RHOBTB1: variants seen among roughly 807,000 people sequenced by gnomAD.
RHOBTB1 encodes the protein rho-related BTB domain-containing protein 1.
RHOBTB1 carries 40 observed loss-of-function variants against 71.6 expected under a neutral mutation model. That is an observed-to-expected ratio of 0.56 (90% CI 0.43 to 0.73). The LOEUF (loss-of-function observed/expected upper bound fraction) is 0.73. Ranked by LOEUF, RHOBTB1 falls within the 30% of genes least tolerant of loss-of-function variation. The pLI is 0.00. For synonymous variants in RHOBTB1, 319 were observed against 334.9 expected, an observed-to-expected ratio of 0.95 and a Z score of 0.52; for missense variants, 797 against 894.0, an observed-to-expected ratio of 0.89 and a Z score of 1.38.
chr10:60,942,672 G>T (rs760157445), intron 1 of RHOBTB1, among the ~76,000 whole-genome samples: 14 of 152,164 alleles, frequency 9.2e-5, no homozygotes, highest in Middle Eastern at 3.2e-3. Flanking sequence ...ACTCTCTTAG[G>T]CATCTACAAG....
chr10:60,993,364 A>C (rs1054327579), intron 1 of RHOBTB1, among the ~76,000 whole-genome samples: 1 of 152,214 alleles, frequency 6.6e-6, no homozygotes, highest in Non-Finnish European at 1.5e-5. Context: ...AAAACACCAG[A>C]AATATATCTC....
intron 4 of RHOBTB1, among the ~76,000 whole-genome samples, chr10:60,900,984 T>C (rs1290245602): frequency 1.3e-5 from 2 of 152,186 alleles, no homozygotes; most frequent in African/African-American, 4.8e-5. Flanking sequence ...TTAGATTATC[T>C]CCAGAAGCAA....
At chr10:60,970,073 T>A (rs577832318) in intron 2 of RHOBTB1, among the ~76,000 whole-genome samples, 21 of 151,938 alleles carry the variant, frequency 1.4e-4, no homozygotes, top group Non-Finnish European at 2.8e-4. Context: ...ACTCTCCAGT[T>A]GTATCTGGTC....
intron 6 of RHOBTB1, 46 bp from the exon 7 acceptor site, chr10:60,886,276 G>A (rs2081570511): frequency 6.9e-7 from 1 of 1,452,212 alleles, no homozygotes; most frequent in Non-Finnish European, 9.7e-7. Flanking sequence ...ACTTTGCTGA[G>A]AGCTTCAACC....
upstream of RHOBTB1, among the ~76,000 whole-genome samples, chr10:60,945,541 G>A (rs574591957): frequency 1.7e-3 from 253 of 152,256 alleles, 1 homozygote; most frequent in African/African-American, 5.9e-3. Context: ...ACCGTCTTCA[G>A]TTTCCTGATG....
At chr10:60,932,885 T>C (rs1027944002) in intron 2 of RHOBTB1, among the ~76,000 whole-genome samples, 4 of 152,200 alleles carry the variant, frequency 2.6e-5, no homozygotes, top group Non-Finnish European at 5.9e-5. Flanking sequence ...CTGTAGTAAG[T>C]TACTCACTGA....
At chr10:60,891,333 G>GTTTTT (rs1589210725) in intron 5 of RHOBTB1, among the ~76,000 whole-genome samples, 1 of 95,054 alleles carries the variant, frequency 1.1e-5, no homozygotes, top group African/African-American at 4.5e-5. Flanking sequence ...GTTGCTGTTT[G>GTTTTT]CTTTTTTTTT....
chr10:60,863,883 T>G, the RHOBTB1 span, among the ~76,000 whole-genome samples: 1 of 152,238 alleles, frequency 6.6e-6, no homozygotes, highest in Middle Eastern at 3.4e-3. Flanking sequence ...TCTGTGTTCT[T>G]TGGTTTGCCT....
At chr10:60,894,770 C>G (rs1297626959) in intron 4 of RHOBTB1, among the ~76,000 whole-genome samples, 1 of 152,154 alleles carries the variant, frequency 6.6e-6, no homozygotes, top group East Asian at 1.9e-4. Context: ...TATCCAGCAC[C>G]TAAATGTGTT....
At chr10:60,865,827 T>C (rs1230326668), downstream of RHOBTB1, among the ~76,000 whole-genome samples, 3 of 152,132 alleles carry the variant, frequency 2.0e-5, no homozygotes. Context: ...GAGTGGGACC[T>C]GGAATTCATT....
intron 2 of RHOBTB1, among the ~76,000 whole-genome samples, chr10:60,912,481 C>T (rs1198725650): frequency 6.6e-6 from 1 of 152,162 alleles, no homozygotes; most frequent in East Asian, 1.9e-4. Flanking sequence ...GATCTCCCCA[C>T]CTTGGCCTCC....
chr10:60,870,679 G>T lies in RHOBTB1; in HGVS notation c.*803C>A, dbSNP rs557036320. On this transcript the variant is annotated 3_prime_UTR_variant, in exon 11 of 11. Transcript: ENST00000337910. ...CAATCCGAACACCAGCGCACTAATG[G>T]TATCTTATGTATTCAGGTCCACCAG... 6.6e-6 allele frequency: 1 copy of T among 152,366 alleles called. No individual in the cohort carries two copies. Among genetic ancestry groups the T allele is most frequent in the Non-Finnish European group, 1.5e-5 (1 of 68,044 alleles). The allele number at this position is 152,366 out of a possible 1,614,324, so 9.4% of individuals were successfully genotyped here. A position where few individuals can be genotyped will look rare whatever the true frequency, so the allele number is the denominator to read the frequency against.
chr10:60,923,567 A>G (rs887929071), intron 2 of RHOBTB1, among the ~76,000 whole-genome samples: 1 of 152,212 alleles, frequency 6.6e-6, no homozygotes, highest in Non-Finnish European at 1.5e-5. Context: ...ATGATTGACC[A>G]AAGACAATAA....
chr10:60,971,119 T>C (rs966160331), intron 2 of RHOBTB1, among the ~76,000 whole-genome samples: 2 of 152,036 alleles, frequency 1.3e-5, no homozygotes, highest in African/African-American at 4.8e-5. Context: ...AGCACCTGAA[T>C]TTAAGTAAAT....
chr10:60,893,402 G>A (rs1173084860), intron 4 of RHOBTB1, among the ~76,000 whole-genome samples: 1 of 152,164 alleles, frequency 6.6e-6, no homozygotes, highest in African/African-American at 2.4e-5. Context: ...AGGTGATGAT[G>A]ACTCATCCCA....
chr10:60,873,524 T>G (rs773223829), intron 9 of RHOBTB1, among the ~76,000 whole-genome samples: 1 of 152,124 alleles, frequency 6.6e-6, no homozygotes, highest in East Asian at 1.9e-4. Context: ...TGGGTGTGTA[T>G]GGGGGTAAGG....
At chr10:60,904,990 A>G (rs1170503812) in intron 4 of RHOBTB1, among the ~76,000 whole-genome samples, 2 of 152,136 alleles carry the variant, frequency 1.3e-5, no homozygotes, top group African/African-American at 2.4e-5. Flanking sequence ...CTTTTCCATA[A>G]AAAGCACATG....
chr10:60,901,519 G>A (rs1168799173), intron 4 of RHOBTB1, among the ~76,000 whole-genome samples: 1 of 152,154 alleles, frequency 6.6e-6, no homozygotes, highest in Non-Finnish European at 1.5e-5. Context: ...GTCCTTTATT[G>A]ATATGGAATA....
intron 6 of RHOBTB1, 33 bp from the exon 7 acceptor site, chr10:60,886,263 C>T (rs1475813916): frequency 2.6e-6 from 4 of 1,557,882 alleles, no homozygotes; most frequent in South Asian, 2.2e-5. Flanking sequence ...CAACCATGAG[C>T]CAACTTTGCT....
Sources: gnomAD v4.1 joint callset for allele counts (sites outside exome capture counted in the v4.1 genomes callset) on GRCh38, gnomAD v4.1.1 for gene constraint, MANE v1.5 for transcripts, NCBI Gene and HGNC (gene_info 2026-07-23, HGNC 2026-07-21) for gene names.